TCF4: variants seen among roughly 807,000 people sequenced by gnomAD.
The protein encoded by TCF4 is transcription factor 4.
Under a neutral mutation model 82.1 loss-of-function variants are expected in TCF4, and 3 were observed. The ratio of observed to expected loss-of-function variants is 0.04; its 90% CI spans 0.02 to 0.09. The LOEUF is 0.09. Among genes scored for constraint, TCF4 ranks in the 10% least tolerant of loss-of-function variants. TCF4 has a pLI of 1.00. For synonymous variants in TCF4, 276 were observed against 309.6 expected (o/e 0.89, Z 1.14); for missense variants, 518 against 852.7 (o/e 0.61, Z 4.89).
intron 2 of TCF4, among the ~76,000 whole-genome samples, chr18:55,605,522 T>C (rs574951845): frequency 2.0e-5 from 3 of 152,182 alleles, no homozygotes; most frequent in East Asian, 3.8e-4. Flanking sequence ...TCCTGAGATA[T>C]ATGTTTTGGG....
intron 3 of TCF4, among the ~76,000 whole-genome samples, chr18:55,577,432 T>C (rs541018235): frequency 6.6e-6 from 1 of 151,794 alleles, no homozygotes; most frequent in East Asian, 1.9e-4. Context: ...GATATAAATA[T>C]AAATAAAGAT....
intron 8 of TCF4, among the ~76,000 whole-genome samples, chr18:55,349,728 C>T (rs942410703): frequency 2.0e-5 from 3 of 151,408 alleles, no homozygotes; most frequent in East Asian, 1.9e-4. Flanking sequence ...TCACAACCAA[C>T]TTTTGCTGTA....
At chr18:55,363,472 T>A (rs1475898303) in intron 6 of TCF4, among the ~76,000 whole-genome samples, 1 of 152,048 alleles carries the variant, frequency 6.6e-6, no homozygotes, top group Non-Finnish European at 1.5e-5. Context: ...CTAGAAAAAT[T>A]AGAACATATT....
chr18:55,590,361 C>G (rs781547310), upstream of TCF4, among the ~76,000 whole-genome samples: 2 of 152,330 alleles, frequency 1.3e-5, no homozygotes, highest in Non-Finnish European at 2.9e-5. Flanking sequence ...ACCCTATCTT[C>G]TTATAGAGCG....
At chr18:55,277,580 G>A (rs993445325) in intron 9 of TCF4, among the ~76,000 whole-genome samples, 2 of 149,276 alleles carry the variant, frequency 1.3e-5, no homozygotes, top group African/African-American at 4.9e-5. Flanking sequence ...AATTAATTGT[G>A]CTCATCAAAA....
At position 55,586,315 on chromosome 18, in the gene TCF4, CA is replaced by C. The variant is rs1482587702; in HGVS notation, c.72+729del. The C allele has an allele frequency of 9.7e-6, 7 of 722,346 alleles. 2 individuals are homozygous for C. The highest frequency in any genetic ancestry group is 1.7e-5 in the African/African-American group (1 of 59,770). The allele number at this position is 722,346 out of a possible 1,614,324, so 44.7% of individuals were successfully genotyped here. A position where few individuals can be genotyped will look rare whatever the true frequency, so the allele number is the denominator to read the frequency against. ...TATTTTGCTTTACAAATGCATCTTA[CA>C]CCAAACTCATCTGGCATTAAAAATG... On this transcript the variant is annotated intron_variant, in intron 2 of 19. Coordinates refer to ENST00000354452, the MANE Select transcript of TCF4 (RefSeq NM_001083962.2).
chr18:55,402,089 G>A (rs2093852960), intron 6 of TCF4: 24 of 979,832 alleles, frequency 2.4e-5, no homozygotes, highest in Non-Finnish European at 2.9e-5. Flanking sequence ...TGGAATGGCT[G>A]TAAATTTCTT....
intron 5 of TCF4, among the ~76,000 whole-genome samples, chr18:55,459,226 G>A (rs988650568): frequency 3.9e-5 from 6 of 152,140 alleles, no homozygotes; most frequent in African/African-American, 1.4e-4. Flanking sequence ...AAAAGAATCA[G>A]CTCTCTCCGC....
intron 5 of TCF4, among the ~76,000 whole-genome samples, chr18:55,450,431 A>G (rs1056774905): frequency 1.1e-4 from 16 of 152,238 alleles, no homozygotes; most frequent in Non-Finnish European, 2.1e-4. Context: ...AATAAATTTA[A>G]TTTAATCTCA....
chr18:55,393,415 T>C (rs148436918), intron 6 of TCF4, among the ~76,000 whole-genome samples: 5 of 152,338 alleles, frequency 3.3e-5, no homozygotes, highest in Admixed American at 2.0e-4. Context: ...TAGGAATTCA[T>C]CTGCATATGC....
chr18:55,585,823 C>A, intron 2 of TCF4: 1 of 1,130,056 alleles, frequency 8.8e-7, no homozygotes, highest in Non-Finnish European at 1.1e-6. Flanking sequence ...GCACTAAATT[C>A]TCATTTCGTC....
At chr18:55,552,204 C>T (rs2097266116) in intron 3 of TCF4, among the ~76,000 whole-genome samples, 1 of 152,166 alleles carries the variant, frequency 6.6e-6, no homozygotes, top group Non-Finnish European at 1.5e-5. Context: ...TCATGCCTAT[C>T]TCTTTATTCC....
intron 8 of TCF4, among the ~76,000 whole-genome samples, chr18:55,341,541 C>T (rs181740946): frequency 2.6e-5 from 4 of 152,228 alleles, no homozygotes; most frequent in Admixed American, 2.6e-4. Flanking sequence ...TAACCAAGGC[C>T]ACTGGGTGTG....
At chr18:55,280,641 TC>T (rs1403696166) in intron 8 of TCF4, among the ~76,000 whole-genome samples, 1 of 152,148 alleles carries the variant, frequency 6.6e-6, no homozygotes, top group Non-Finnish European at 1.5e-5. Flanking sequence ...ATGGATACCT[TC>T]CTGCCTCCAT....
At chr18:55,405,795 GA>G (rs1025880984) in intron 5 of TCF4, among the ~76,000 whole-genome samples, 3 of 152,128 alleles carry the variant, frequency 2.0e-5, no homozygotes, top group African/African-American at 7.2e-5. Context: ...AGAAGAATAT[GA>G]ATTCACGCTG....
chr18:55,262,932 G>A (rs374388042), intron 11 of TCF4, among the ~76,000 whole-genome samples: 1 of 151,974 alleles, frequency 6.6e-6, no homozygotes, highest in Non-Finnish European at 1.5e-5. Context: ...TCAGCCTCCT[G>A]AGTAGCTAGG....
At chr18:55,524,362 TA>T (rs566442434) in intron 3 of TCF4, among the ~76,000 whole-genome samples, 32 of 149,358 alleles carry the variant, frequency 2.1e-4, no homozygotes, top group African/African-American at 3.4e-4. Flanking sequence ...TAATTCAATT[TA>T]AAAAAAAAAC....
intron 6 of TCF4, among the ~76,000 whole-genome samples, chr18:55,391,814 T>C (rs1272981566): frequency 6.6e-6 from 1 of 150,800 alleles, no homozygotes; most frequent in African/African-American, 2.4e-5. Flanking sequence ...GGCACACGCC[T>C]GTAATCCCAA....
intron 6 of TCF4, among the ~76,000 whole-genome samples, chr18:55,361,356 T>C (rs1332700745): frequency 1.3e-5 from 2 of 152,164 alleles, no homozygotes; most frequent in Non-Finnish European, 2.9e-5. Flanking sequence ...ATACCTACTA[T>C]GGGCCAGCCA....
Sources: allele counts gnomAD v4.1 joint callset (sites outside exome capture counted in the v4.1 genomes callset), GRCh38; gene constraint gnomAD v4.1.1; transcripts MANE v1.5; gene names NCBI Gene and HGNC (gene_info 2026-07-23, HGNC 2026-07-21).